PYCR1: variants seen among roughly 807,000 people sequenced by gnomAD.
PYCR1 encodes pyrroline-5-carboxylate reductase 1, also known as pyrroline-5-carboxylate reductase 1, mitochondrial.
A neutral mutation model predicts 22.9 loss-of-function variants in PYCR1; 19 were observed. The ratio of observed to expected loss-of-function variants is 0.83; its 90% CI spans 0.58 to 1.22. The LOEUF (loss-of-function observed/expected upper bound fraction) is 1.22. Ranked by LOEUF, PYCR1 falls within the 50% of genes most tolerant of loss-of-function variation. The pLI is 0.00. For synonymous variants in PYCR1, 175 were observed against 180.5 expected (o/e 0.97, Z 0.24); for missense variants, 429 against 431.3 (o/e 0.99, Z 0.05).
intron 1 of PYCR1, 123 bp downstream of exon 1, chr17:81,936,625 T>C: frequency 9.3e-7 from 1 of 1,074,534 alleles, no homozygotes; most frequent in Admixed American, 2.1e-5. Context: ...ACACAGAAGT[T>C]GCCAGTTCCC....
Position 81,935,359 on chromosome 17 carries a change from A to T in PYCR1, c.296T>A (p.Val99Asp). ...TACCTTCTCAATGGAGCTGATGGTG[A>T]CGCCGGCCGCGCAGGACACCACAAT... ...RHIVVSCAAG[V>D]TISSIEKKLS... Residue 99 changes from valine (V) to aspartate (D), a missense_variant, in exon 3 of 7, where the codon GTC becomes GAC. Val to Asp is a radical substitution (Grantham distance 152, BLOSUM62 -3). Coordinates refer to ENST00000329875, the MANE Select transcript of PYCR1 (RefSeq NM_006907.4). 1 of 1,612,528 alleles carries T rather than the reference A, an allele frequency of 6.2e-7. No individual in the cohort carries two copies. The highest frequency in any genetic ancestry group is 1.1e-5 in the South Asian group (1 of 91,022).
chr17:81,933,121 G>A lies in PYCR1; in HGVS notation c.*93C>T. 6.2e-7 allele frequency: 1 copy of A among 1,604,254 alleles called. No homozygotes were observed. Among genetic ancestry groups the A allele is most frequent in the Middle Eastern group, 1.7e-4 (1 of 5,990 alleles). The stretch of plus-strand genomic sequence containing the variant: ...CTGGCTGGCCCCTGCGCTGATCAGA[G>A]CCACAGAAAGTGGGCCACTTTGGGG... On this transcript the variant is annotated 3_prime_UTR_variant, in exon 7 of 7. Coordinates refer to ENST00000329875, the MANE Select transcript of PYCR1 (RefSeq NM_006907.4).
rs924986714 is a variant in PYCR1 at position 81,935,247 on chromosome 17, C to G, written c.318+90G>C. On this transcript the variant is annotated intron_variant, in intron 3 of 6. Transcript: ENST00000329875. ...CGAGCTCTCCCAGTGGGCCGGGACG[C>G]TGCAACCCTTTTGCAGATGAAAACT... The G allele has an allele frequency of 4.4e-6, 7 of 1,582,108 alleles. No homozygotes were observed. The African/African-American group carries it at 8.1e-5, about 18-fold the overall frequency.
chr17:81,935,177 C>T, intron 3 of PYCR1, 30 bp from the exon 4 acceptor site: 1 of 1,588,038 alleles, frequency 6.3e-7, no homozygotes, highest in South Asian at 1.1e-5. Context: ...GTCCGTCTGG[C>T]CATGGACGCA....
chr17:81,936,072 A>T lies in PYCR1; in HGVS notation c.138+51T>A, dbSNP rs773366992. ...TACAGCACACACTCCTGCCTCTCAC[A>T]CCCAGCCCCACAGGGACTCAGTCTC... On this transcript the variant is annotated intron_variant, in intron 2 of 6. Transcript: ENST00000329875. 3.1e-6 allele frequency: 5 copies of T among 1,597,314 alleles called. No homozygotes were observed. In the East Asian group the frequency reaches 1.1e-4, roughly 36 times the overall value.
intron 5 of PYCR1, 45 bp from the exon 6 acceptor site, chr17:81,934,534 T>C: frequency 6.4e-7 from 1 of 1,562,912 alleles, no homozygotes; most frequent in East Asian, 2.4e-5. Context: ...CGCACCTGCC[T>C]CTGCGGGGCA....
chr17:81,934,987 G>C lies in PYCR1; in HGVS notation c.479C>G (p.Thr160Arg). 1 of 1,609,798 alleles carries C rather than the reference G, an allele frequency of 6.2e-7. No individual in the cohort carries two copies. The change falls in exon 4 of 7, where the codon ACG becomes AGG. Residue 160 changes from threonine to arginine, a missense_variant. Thr to Arg is a moderately conservative substitution (Grantham distance 71). Coordinates refer to ENST00000329875, the MANE Select transcript of PYCR1 (RefSeq NM_006907.4). ...ATCAATCAGGTCCTCTTCCACCTCC[G>C]TGCAGAAGCCCACGCTGCTCAGCAG... ...EQLLSSVGFC[T>R]EVEEDLIDAV...
Position 81,936,747 on chromosome 17 carries a change from C to CCTG in PYCR1, c.65_67dup (p.Ala22dup). ...TCACCGTCCCCCACCTGGGGGCCTA[C>CCTG]CTGCTGCTGTGAAGCCCTTGGCCAG... On this transcript the variant is annotated inframe_insertion and splice_region_variant. Coordinates refer to ENST00000329875, the MANE Select transcript of PYCR1 (RefSeq NM_006907.4). The CCTG allele has an allele frequency of 6.2e-7, 1 of 1,606,918 alleles. No homozygotes were observed. The highest frequency in any genetic ancestry group is 8.5e-7 in the Non-Finnish European group (1 of 1,177,698).
chr17:81,934,605 G>C, intron 5 of PYCR1, 48 bp downstream of exon 5: 1 of 1,549,748 alleles, frequency 6.5e-7, no homozygotes, highest in Non-Finnish European at 8.7e-7. Context: ...TGAAGCCCCA[G>C]GGCCCCGCAA....
In PYCR1 at chr17:81,935,056, G is replaced by C; in HGVS notation, c.410C>G (p.Thr137Arg). The change falls in exon 4 of 7, where the codon ACA becomes AGA. Residue 137 changes from threonine (T) to arginine (R), a missense_variant. Transcript: ENST00000329875. The stretch of plus-strand genomic sequence containing the variant: ...GTCCTCCACCTGGGCGTGCGTGCCT[G>C]TGGCATACACGGTGGCCCCCTCCCG... ...VVREGATVYA[T>R]GTHAQVEDGR... 1 of 1,610,614 alleles carries C rather than the reference G, an allele frequency of 6.2e-7. No homozygotes were observed. Among genetic ancestry groups the C allele is most frequent in the Non-Finnish European group, 8.5e-7 (1 of 1,179,996 alleles).
At position 81,933,002 on chromosome 17, in the gene PYCR1, G is replaced by A. The variant is rs1236438979; in HGVS notation, c.*212C>T. On this transcript the variant is annotated 3_prime_UTR_variant, in exon 7 of 7. Coordinates refer to ENST00000329875, the MANE Select transcript of PYCR1 (RefSeq NM_006907.4). ...GGAGCAGAGAAGAAAGGAGGTTGAG[G>A]TTGGGGAATCCACCCCTGTTCTGGG... 1 of 1,596,604 alleles carries A rather than the reference G, an allele frequency of 6.3e-7. No individual in the cohort carries two copies. The highest frequency in any genetic ancestry group is 1.7e-5 in the Admixed American group (1 of 57,498).
chr17:81,936,600 G>T, intron 1 of PYCR1, 148 bp downstream of exon 1: 1 of 875,494 alleles, frequency 1.1e-6, no homozygotes, highest in Non-Finnish European at 1.8e-6. Flanking sequence ...AGACAGCACA[G>T]GTAAAGCCCC....
Position 81,934,370 on chromosome 17 carries a change from G to T in PYCR1, c.753C>A (p.Arg251=). Residue 251 remains arginine, a synonymous_variant, in exon 6 of 7, where the codon CGC becomes CGA. Transcript: ENST00000329875. The part of the protein sequence containing the change: ...ALHVLESGGF[R]SLLINAVEAS... ...CCTCCACAGCGTTGATGAGCAGGGA[G>T]CGGAAGCCCCCACTCTCCAGCACAT... is the stretch of plus-strand genomic sequence containing the variant. The T allele has an allele frequency of 6.2e-7, 1 of 1,612,920 alleles. No individual in the cohort carries two copies. The highest frequency in any genetic ancestry group is 1.3e-5 in the African/African-American group (1 of 75,068).
Position 81,932,623 on chromosome 17 carries a change from G to GGA in PYCR1, c.*589_*590dup. On this transcript the variant is annotated 3_prime_UTR_variant, in exon 7 of 7. Transcript: ENST00000329875. ...TGATAGCACCCTCCCAGGGAGGTCA[G>GGA]GAGCAGGAGGTGGTGGCCACAGAAG... is the stretch of plus-strand genomic sequence containing the variant. 1 of 551,284 alleles carries GGA rather than the reference G, an allele frequency of 1.8e-6. No individual in the cohort carries two copies. The highest frequency in any genetic ancestry group is 2.0e-5 in the South Asian group (1 of 50,812). 34.1% of individuals were successfully genotyped at this position (551,284 alleles called of 1,614,324 possible).
chr17:81,932,995 G>T lies in PYCR1; in HGVS notation c.*219C>A. Reference sequence around the variant, plus strand: ...TGGTTTGGGAGCAGAGAAGAAAGGAGGTTGAGGTTGGGGAATCCACCCCTG... The same window carrying T: ...TGGTTTGGGAGCAGAGAAGAAAGGATGTTGAGGTTGGGGAATCCACCCCTG... On this transcript the variant is annotated 3_prime_UTR_variant, in exon 7 of 7. Coordinates refer to ENST00000329875, the MANE Select transcript of PYCR1 (RefSeq NM_006907.4). 1 of 1,599,598 alleles carries T rather than the reference G, an allele frequency of 6.3e-7. No individual in the cohort carries two copies.
chr17:81,935,777 G>A (rs959876626), intron 2 of PYCR1, among the ~76,000 whole-genome samples: 1 of 152,214 alleles, frequency 6.6e-6, no homozygotes, highest in Non-Finnish European at 1.5e-5. Context: ...TGGGACTGCC[G>A]TCCTCCAGAC....
intron 1 of PYCR1, among the ~76,000 whole-genome samples, chr17:81,936,517 G>A (rs1450329677): frequency 6.6e-6 from 1 of 152,188 alleles, no homozygotes; most frequent in Non-Finnish European, 1.5e-5. Flanking sequence ...GAGCCACCGC[G>A]CCCGGCCGGA....
chr17:81,934,593 A>C, intron 5 of PYCR1, 60 bp downstream of exon 5: 9 of 1,549,112 alleles, frequency 5.8e-6, no homozygotes, highest in Non-Finnish European at 7.9e-6. Flanking sequence ...GGCTCCTCCC[A>C]GTGAAGCCCC....
chr17:81,932,793 C>T lies in PYCR1; in HGVS notation c.*421G>A. ...TCACACGGGAAGGAGAGGTTTCTCC[C>T]TGAATGGAGGGCAGGGAGGGGCCGG... On this transcript the variant is annotated 3_prime_UTR_variant, in exon 7 of 7. Coordinates refer to ENST00000329875, the MANE Select transcript of PYCR1 (RefSeq NM_006907.4). The T allele has an allele frequency of 2.6e-6, 4 of 1,509,802 alleles. No homozygotes were observed. The highest frequency in any genetic ancestry group is 2.7e-6 in the Non-Finnish European group (3 of 1,118,732). 93.5% of individuals were successfully genotyped at this position (1,509,802 alleles called of 1,614,324 possible). A position where few individuals can be genotyped will look rare whatever the true frequency, so the allele number is the denominator to read the frequency against.
Sources: gnomAD v4.1 joint callset for allele counts (sites outside exome capture counted in the v4.1 genomes callset) on GRCh38, gnomAD v4.1.1 for gene constraint, MANE v1.5 for transcripts, NCBI Gene and HGNC (gene_info 2026-07-23, HGNC 2026-07-21) for gene names.